The following DNAH3 variants were observed in gnomAD, a reference collection of about 807,000 sequenced individuals.
DNAH3 encodes axonemal beta dynein heavy chain 3.
Under a neutral mutation model 432.5 loss-of-function variants are expected in DNAH3, and 332 were observed. That is an observed-to-expected ratio of 0.77 (90% CI 0.70 to 0.84). DNAH3 has a LOEUF of 0.84. DNAH3 is among the 40% of genes least tolerant of loss of function. The pLI is 0.00. For synonymous variants in DNAH3, 1,956 were observed against 1,900.2 expected (o/e 1.03, Z -0.76); for missense variants, 4,861 against 5,114.0 (o/e 0.95, Z 1.51).
At chr16:21,094,967 C>T (rs983864377) in intron 18 of DNAH3, among the ~76,000 whole-genome samples, 5 of 152,170 alleles carry the variant, frequency 3.3e-5, no homozygotes, top group African/African-American at 9.7e-5. Flanking sequence ...GGTTGTGAGG[C>T]CTCCCCATCC....
At chr16:21,090,956 G>C (rs146870706) in intron 18 of DNAH3, among the ~76,000 whole-genome samples, 14 of 151,866 alleles carry the variant, frequency 9.2e-5, no homozygotes, top group Non-Finnish European at 1.8e-4. Flanking sequence ...GTTCAAGACC[G>C]GCCTGGGCAA....
At chr16:21,081,809 C>G in intron 19 of DNAH3, 82 bp from the exon 20 acceptor site, 1 of 1,183,014 alleles carries the variant, frequency 8.5e-7, no homozygotes, top group Non-Finnish European at 1.2e-6. Context: ...TGGAGATGTT[C>G]TTTTTATCTG....
At chr16:21,135,436 T>TA (rs1196216192) in intron 6 of DNAH3, among the ~76,000 whole-genome samples, 5 of 152,188 alleles carry the variant, frequency 3.3e-5, no homozygotes, top group East Asian at 1.9e-4. Context: ...CTCACACCTG[T>TA]AATCCCAGCA....
chr16:21,101,932 C>G (rs112748487), intron 16 of DNAH3, among the ~76,000 whole-genome samples: 1 of 152,186 alleles, frequency 6.6e-6, no homozygotes, highest in Non-Finnish European at 1.5e-5. Flanking sequence ...GGGGTAGGAA[C>G]AGCAAATGGA....
At chr16:20,959,862 A>C (rs2152611521) in intron 53 of DNAH3, among the ~76,000 whole-genome samples, 1 of 152,182 alleles carries the variant, frequency 6.6e-6, no homozygotes, top group East Asian at 1.9e-4. Context: ...AAAAGAAACA[A>C]AAAAAATCAA....
exon 7 of DNAH3, chr16:21,134,297 G>A (rs1344331169): frequency 3.1e-6 from 5 of 1,613,900 alleles, no homozygotes; most frequent in Admixed American, 3.3e-5. Flanking sequence ...GCATCATGGG[G>A]TTCACCGTGT....
At chr16:20,952,572 A>G in intron 55 of DNAH3, 23 bp from the exon 56 acceptor site, 1 of 1,444,384 alleles carries the variant, frequency 6.9e-7, no homozygotes, top group Non-Finnish European at 9.7e-7. Flanking sequence ...GAGCAGAGAG[A>G]GGCTTCAGTG....
At chr16:21,042,837 A>G (rs1047505389) in intron 31 of DNAH3, among the ~76,000 whole-genome samples, 8 of 152,060 alleles carry the variant, frequency 5.3e-5, no homozygotes, top group African/African-American at 1.9e-4. Flanking sequence ...CCACCCCACA[A>G]CGGTCCCCAG....
At chr16:21,089,030 A>G (rs1028513638) in intron 18 of DNAH3, among the ~76,000 whole-genome samples, 6 of 152,226 alleles carry the variant, frequency 3.9e-5, no homozygotes, top group African/African-American at 1.4e-4. Context: ...TGTGAGCTAT[A>G]GGGAGAAATT....
chr16:20,969,925 G>A, exon 52 of DNAH3: 2 of 1,614,172 alleles, frequency 1.2e-6, no homozygotes, highest in Non-Finnish European at 1.7e-6. Flanking sequence ...GGTTCAGGGT[G>A]TCCAGAGCAG....
intron 20 of DNAH3, 50 bp from the exon 21 acceptor site, chr16:21,075,611 A>C (rs758133531): frequency 7.0e-7 from 1 of 1,426,952 alleles, no homozygotes. Context: ...CAGAGAAGAC[A>C]CATCAAAGGA....
chr16:21,122,248 T>A (rs2092358867), intron 9 of DNAH3, 124 bp from the exon 11 acceptor site: 1 of 768,780 alleles, frequency 1.3e-6, no homozygotes, highest in Admixed American at 2.7e-5. Flanking sequence ...CATCATACAC[T>A]GTTTATATTT....
At chr16:21,140,389 C>A (rs887102610) in intron 5 of DNAH3, 147 bp downstream of exon 6, 1 of 748,728 alleles carries the variant, frequency 1.3e-6, no homozygotes, top group Admixed American at 2.8e-5. Context: ...AAACATGCGC[C>A]CTCTTCAGTA....
intron 44 of DNAH3, among the ~76,000 whole-genome samples, chr16:20,990,311 A>G (rs931756578): frequency 1.3e-5 from 2 of 152,226 alleles, no homozygotes; most frequent in African/African-American, 2.4e-5. Context: ...CTGTGTATCT[A>G]TAGATCTATG....
intron 41 of DNAH3, among the ~76,000 whole-genome samples, chr16:21,006,169 T>A (rs75738919): frequency 0.063 from 9,585 of 152,228 alleles, 449 homozygotes; most frequent in East Asian, 0.16. Context: ...TCTCAAACCT[T>A]ATTTCTAAGC....
At chr16:21,000,555 GC>G in intron 42 of DNAH3, 37 bp from the exon 43 acceptor site, 1 of 1,545,700 alleles carries the variant, frequency 6.5e-7, no homozygotes. Context: ...TCGGTTGTGG[GC>G]CCAGGAAGCT....
intron 16 of DNAH3, among the ~76,000 whole-genome samples, chr16:21,102,875 T>TTA (rs2091867980): frequency 6.8e-6 from 1 of 146,252 alleles, no homozygotes; most frequent in African/African-American, 2.5e-5. Flanking sequence ...AAGACTATTA[T>TTA]TCTTTTTTTT....
Position 20,933,503 on chromosome 16 carries a change from G to C in DNAH3, c.12002C>G (p.Thr4001Ser). Residue 4001 changes from threonine (T) to serine (S), a missense_variant, in exon 62 of 62, where the codon ACC becomes AGC. Coordinates refer to ENST00000261383, the Ensembl canonical transcript of DNAH3. The stretch of plus-strand genomic sequence containing the variant: ...ATTCTCCATCACTGTTTCTTGTGGG[G>C]TTACCTGGAAGAATAAAAAGCTATG... 6.3e-7 allele frequency: 1 copy of C among 1,577,758 alleles called. No homozygotes were observed. The highest frequency in any genetic ancestry group is 8.6e-7 in the Non-Finnish European group (1 of 1,161,506).
rs532764833 is a variant in DNAH3, at chr16:20,933,189, G to A, written c.12316C>T (p.Arg4106Ter). The change falls in exon 62 of 62, where the codon CGA becomes TGA. Residue 4106 changes from arginine (R) to a stop codon, truncating the protein, a stop_gained. Coordinates refer to ENST00000261383, the Ensembl canonical transcript of DNAH3. LOFTEE classifies it high-confidence loss of function. The stretch of plus-strand genomic sequence containing the variant: ...AGCTGGCACAGTGAGGCCACCCCTC[G>A]GTTTATCCAGTGCTTCTGGGGCATG... 40 of 1,614,168 alleles carry A rather than the reference G, an allele frequency of 2.5e-5. No homozygotes were observed. Among genetic ancestry groups the A allele is most frequent in the South Asian group, 1.2e-4 (11 of 91,084 alleles).
Sources: allele counts gnomAD v4.1 joint callset (sites outside exome capture counted in the v4.1 genomes callset), GRCh38; gene constraint gnomAD v4.1.1; transcripts MANE v1.5; gene names NCBI Gene and HGNC (gene_info 2026-07-23, HGNC 2026-07-21).